The following CACNA2D3 variants were observed in gnomAD, a reference collection of about 807,000 sequenced individuals.
CACNA2D3 encodes the protein voltage-dependent calcium channel subunit alpha-2/delta-3.
In CACNA2D3, 60 loss-of-function variants were observed where a neutral mutation model predicts 160.6. The ratio of observed to expected loss-of-function variants is 0.37; its 90% CI spans 0.30 to 0.46. The LOEUF is 0.46. Ranked by LOEUF, CACNA2D3 falls within the 20% of genes least tolerant of loss-of-function variation. The pLI is 1.00. For synonymous variants in CACNA2D3, 558 were observed against 492.9 expected, an observed-to-expected ratio of 1.13 and a Z score of -1.75; for missense variants, 1,205 against 1,365.0, an observed-to-expected ratio of 0.88 and a Z score of 1.85.
At chr3:54,259,884 A>G (rs1464092765) in intron 2 of CACNA2D3, among the ~76,000 whole-genome samples, 3 of 152,206 alleles carry the variant, frequency 2.0e-5, no homozygotes, top group African/African-American at 4.8e-5. Context: ...GGCTTTTGCA[A>G]TGCTCAGGAA....
intron 4 of CACNA2D3, among the ~76,000 whole-genome samples, chr3:54,457,916 T>C (rs1033798725): frequency 6.6e-6 from 1 of 152,020 alleles, no homozygotes; most frequent in Non-Finnish European, 1.5e-5. Flanking sequence ...TCACGTTTAG[T>C]TTCTATTTGT....
At chr3:54,797,069 A>G (rs532050954) in intron 13 of CACNA2D3, among the ~76,000 whole-genome samples, 1 of 152,316 alleles carries the variant, frequency 6.6e-6, no homozygotes, top group South Asian at 2.1e-4. Context: ...AAGTGACCCT[A>G]GAAGATGGAC....
At chr3:54,577,174 C>G (rs1575356256) in intron 8 of CACNA2D3, among the ~76,000 whole-genome samples, 1 of 152,146 alleles carries the variant, frequency 6.6e-6, no homozygotes, top group East Asian at 1.9e-4. Context: ...CATAAGCAAA[C>G]TTAGCCAGTG....
intron 27 of CACNA2D3, among the ~76,000 whole-genome samples, chr3:54,905,199 T>C (rs187180335): frequency 8.5e-4 from 129 of 152,322 alleles, no homozygotes; most frequent in African/African-American, 2.9e-3. Context: ...ACACTTTAGA[T>C]CTGTTACTGG....
intron 2 of CACNA2D3, among the ~76,000 whole-genome samples, chr3:54,276,633 A>G (rs1021976207): frequency 6.6e-6 from 1 of 151,736 alleles, no homozygotes; most frequent in African/African-American, 2.4e-5. Flanking sequence ...GTCCATGCTG[A>G]TTGTACAAGA....
At chr3:54,533,140 C>A (rs1701831152) in intron 5 of CACNA2D3, among the ~76,000 whole-genome samples, 2 of 152,080 alleles carry the variant, frequency 1.3e-5, no homozygotes, top group Admixed American at 6.6e-5. Flanking sequence ...TCTGTCTAAA[C>A]CCTGTCTGCT....
intron 10 of CACNA2D3, among the ~76,000 whole-genome samples, chr3:54,629,596 G>T (rs1420818219): frequency 6.6e-6 from 1 of 152,190 alleles, no homozygotes; most frequent in African/African-American, 2.4e-5. Context: ...AAACATTTAT[G>T]TAAGAGTCCG....
At chr3:54,991,202 C>T (rs1702732301) in intron 31 of CACNA2D3, among the ~76,000 whole-genome samples, 1 of 151,774 alleles carries the variant, frequency 6.6e-6, no homozygotes, top group South Asian at 2.1e-4. Flanking sequence ...ATGTGGGGCC[C>T]TGTGTTCAAA....
chr3:54,587,344 G>C (rs1056773038), intron 9 of CACNA2D3, among the ~76,000 whole-genome samples: 4 of 152,060 alleles, frequency 2.6e-5, no homozygotes, highest in Non-Finnish European at 5.9e-5. Context: ...ATCACCTGAG[G>C]TCAGGAGTTG....
At chr3:54,269,024 A>C (rs1039589066) in intron 2 of CACNA2D3, among the ~76,000 whole-genome samples, 2 of 152,116 alleles carry the variant, frequency 1.3e-5, no homozygotes, top group African/African-American at 4.8e-5. Context: ...GGAGGACCTG[A>C]TGTGGAGAGA....
chr3:54,466,550 A>G, intron 4 of CACNA2D3, among the ~76,000 whole-genome samples: 1 of 152,212 alleles, frequency 6.6e-6, no homozygotes. Context: ...CTGCTCAGTA[A>G]CATTGCAAGT....
At chr3:54,289,751 C>T (rs1190244020) in intron 2 of CACNA2D3, among the ~76,000 whole-genome samples, 6 of 152,076 alleles carry the variant, frequency 3.9e-5, no homozygotes, top group Non-Finnish European at 7.4e-5. Context: ...AGAAATAATG[C>T]CGCATATCTA....
chr3:54,311,988 G>A (rs973518766), intron 2 of CACNA2D3, among the ~76,000 whole-genome samples: 5 of 152,154 alleles, frequency 3.3e-5, no homozygotes, highest in African/African-American at 1.2e-4. Context: ...GGGTGGGAAC[G>A]TGAGGCTTCT....
intron 17 of CACNA2D3, among the ~76,000 whole-genome samples, chr3:54,867,362 A>G (rs1360358461): frequency 6.6e-6 from 1 of 152,216 alleles, no homozygotes; most frequent in Non-Finnish European, 1.5e-5. Context: ...GAGGCATTTT[A>G]TAAATCACAT....
chr3:54,920,608 A>G (rs1201921003), intron 27 of CACNA2D3, among the ~76,000 whole-genome samples: 1 of 152,194 alleles, frequency 6.6e-6, no homozygotes, highest in Non-Finnish European at 1.5e-5. Flanking sequence ...CTCATGGACC[A>G]TTTCATTCCT....
intron 4 of CACNA2D3, among the ~76,000 whole-genome samples, chr3:54,441,386 G>A (rs112453643): frequency 3.9e-5 from 6 of 152,038 alleles, no homozygotes; most frequent in African/African-American, 1.4e-4. Context: ...CTGGATATTA[G>A]CCCTTTGTCA....
At chr3:54,376,657 T>A (rs1699017626) in intron 3 of CACNA2D3, among the ~76,000 whole-genome samples, 1 of 152,192 alleles carries the variant, frequency 6.6e-6, no homozygotes, top group African/African-American at 2.4e-5. Context: ...CTTCATTGCG[T>A]CAGCCCTTAG....
intron 13 of CACNA2D3, among the ~76,000 whole-genome samples, chr3:54,772,500 G>A (rs1427940341): frequency 6.6e-6 from 1 of 151,780 alleles, no homozygotes; most frequent in Non-Finnish European, 1.5e-5. Flanking sequence ...TCTAGAATCA[G>A]AAACTGACAA....
At chr3:54,181,497 C>G (rs1358353987) in intron 2 of CACNA2D3, among the ~76,000 whole-genome samples, 3 of 152,116 alleles carry the variant, frequency 2.0e-5, no homozygotes, top group Non-Finnish European at 4.4e-5. Context: ...TTAAGTAATT[C>G]CAAATATATT....
Sources: gnomAD v4.1 joint callset for allele counts (sites outside exome capture counted in the v4.1 genomes callset) on GRCh38, gnomAD v4.1.1 for gene constraint, MANE v1.5 for transcripts, NCBI Gene and HGNC (gene_info 2026-07-23, HGNC 2026-07-21) for gene names.